Variants in GOLGA4 observed in about 807,000 individuals in gnomAD.
The protein encoded by GOLGA4 is golgin A4, also known as golgin subfamily A member 4.
Under a neutral mutation model 265.9 loss-of-function variants are expected in GOLGA4, and 169 were observed. The observed-to-expected ratio is 0.64, with a 90% CI of 0.56 to 0.72. GOLGA4 has a LOEUF of 0.72. Ranked by LOEUF, GOLGA4 falls within the 30% of genes least tolerant of loss-of-function variation. The probability of loss-of-function intolerance (pLI) is 0.00; values close to 1 mark genes in which losing one functional copy is unlikely to be tolerated. For missense variants in GOLGA4, 2,482 were observed against 2,483.4 expected, an observed-to-expected ratio of 1.00 and a Z score of 0.01; for synonymous variants, 923 against 855.8, an observed-to-expected ratio of 1.08 and a Z score of -1.37.
rs375735831 is a variant in GOLGA4 at position 37,264,454 on chromosome 3, CCTGT to C, written c.162+12973_162+12976del. 2.4e-3 allele frequency among the ~76,000 whole-genome samples: 358 copies of C among 152,174 alleles called. 4 individuals are homozygous for C. Among genetic ancestry groups the C allele is most frequent in the African/African-American group, 8.1e-3 (335 of 41,532 alleles). On this transcript the variant is annotated intron_variant, in intron 2 of 23. Coordinates refer to ENST00000361924, the MANE Select transcript of GOLGA4 (RefSeq NM_002078.5). The stretch of plus-strand genomic sequence containing the variant: ...TTTAGTGTAAAGTTAATTGCTGAAT[CCTGT>C]CTAAGAAGTACTAGTTATTACATAA...
intron 10 of GOLGA4, among the ~76,000 whole-genome samples, chr3:37,307,401 C>T (rs1452447670): frequency 1.3e-5 from 2 of 152,130 alleles, no homozygotes; most frequent in Non-Finnish European, 2.9e-5. Context: ...AAACCAAAAT[C>T]ACATGTGTAT....
chr3:37,325,675 A>C lies in GOLGA4; in HGVS notation c.3789A>C (p.Ala1263=). 6.2e-7 allele frequency: 1 copy of C among 1,613,894 alleles called. No homozygotes were observed. Among genetic ancestry groups the C allele is most frequent in the Non-Finnish European group, 8.5e-7 (1 of 1,179,764 alleles). Residue 1263 remains alanine, a synonymous_variant, in exon 14 of 24, where the codon GCA becomes GCC. Coordinates refer to ENST00000361924, the MANE Select transcript of GOLGA4 (RefSeq NM_002078.5). ...ACCGTACAACTAAAGTTAAGGAGGC[A>C]CTGTTAATTAAAACTTGCACAGTTT... ...CQHRTTKVKE[A]LLIKTCTVSE...
intron 2 of GOLGA4, among the ~76,000 whole-genome samples, chr3:37,274,721 T>G (rs2096809381): frequency 6.6e-6 from 1 of 151,552 alleles, no homozygotes; most frequent in Non-Finnish European, 1.5e-5. Flanking sequence ...GTGATAGCAG[T>G]GTTGGAGATG....
At chr3:37,332,521 A>G (rs1257718878) in intron 16 of GOLGA4, among the ~76,000 whole-genome samples, 2 of 152,028 alleles carry the variant, frequency 1.3e-5, no homozygotes, top group Non-Finnish European at 2.9e-5. Context: ...GAAAAACAAC[A>G]AAAAAAATTA....
chr3:37,248,065 A>G (rs2096724229), intron 1 of GOLGA4, among the ~76,000 whole-genome samples: 1 of 152,198 alleles, frequency 6.6e-6, no homozygotes, highest in Non-Finnish European at 1.5e-5. Flanking sequence ...TATGAGAGTG[A>G]TAGCTCATTA....
intron 2 of GOLGA4, 69 bp from the exon 3 acceptor site, chr3:37,281,889 G>C: frequency 2.0e-6 from 2 of 1,002,920 alleles, no homozygotes; most frequent in Non-Finnish European, 3.0e-6. Context: ...GATTATTGCT[G>C]GTGATGGGGT....
At chr3:37,248,827 A>C (rs1232245447) in intron 1 of GOLGA4, among the ~76,000 whole-genome samples, 3 of 152,204 alleles carry the variant, frequency 2.0e-5, no homozygotes, top group Non-Finnish European at 4.4e-5. Flanking sequence ...TCAGATTTGC[A>C]GTGAGGTATA....
chr3:37,356,153 T>TCATA (rs2097090414), intron 22 of GOLGA4, among the ~76,000 whole-genome samples: 1 of 152,164 alleles, frequency 6.6e-6, no homozygotes, highest in Non-Finnish European at 1.5e-5. Context: ...CTATTTGTTC[T>TCATA]GGTTCTAACT....
At chr3:37,351,508 C>T (rs1178133803) in intron 21 of GOLGA4, among the ~76,000 whole-genome samples, 1 of 152,164 alleles carries the variant, frequency 6.6e-6, no homozygotes, top group Non-Finnish European at 1.5e-5. Flanking sequence ...AGAAGTTCTT[C>T]ACTTTGCCCA....
At position 37,324,811 on chromosome 3, in the gene GOLGA4, G is replaced by C; in HGVS notation, c.2925G>C (p.Leu975=). The change falls in exon 14 of 24, where the codon CTG becomes CTC. Residue 975 remains leucine (L), a synonymous_variant. Transcript: ENST00000361924. ...EMQETLKKKL[L]DQEAKLKKEL... ...AAGAAACGTTAAAGAAAAAATTACT[G>C]GATCAGGAAGCCAAACTTAAGAAAG... 1 of 1,585,062 alleles carries C rather than the reference G, an allele frequency of 6.3e-7. No homozygotes were observed. The highest frequency in any genetic ancestry group is 8.5e-7 in the Non-Finnish European group (1 of 1,172,976).
rs776869669 is a variant in GOLGA4 at position 37,324,263 on chromosome 3, C to T, written c.2377C>T (p.Leu793Phe). The change falls in exon 14 of 24, where the codon CTC becomes TTC. Residue 793 changes from leucine (L) to phenylalanine (F), a missense_variant. Physicochemically the swap from Leu to Phe is conservative, Grantham distance 22 (BLOSUM62 0). Coordinates refer to ENST00000361924, the MANE Select transcript of GOLGA4 (RefSeq NM_002078.5). ...EADIKRSEGE[L>F]QQASAKLDVF... ...AGATATTAAAAGGTCTGAAGGGGAA[C>T]TCCAGCAGGCATCTGCTAAGCTGGA... 3.1e-6 allele frequency: 5 copies of T among 1,613,974 alleles called. No homozygotes were observed.
chr3:37,257,536 C>T lies in GOLGA4; in HGVS notation c.162+6052C>T, dbSNP rs115102126. On this transcript the variant is annotated intron_variant, in intron 2 of 23. Transcript: ENST00000361924. The stretch of plus-strand genomic sequence containing the variant: ...TACATCTCTAGTGTGGTACCTTGCA[C>T]GTAGTAGGTGCTAACTAAGTTATTA... Among the ~76,000 whole-genome samples the T allele has an allele frequency of 3.4e-3, 513 of 151,978 alleles. 3 individuals are homozygous for T. Among genetic ancestry groups the T allele is most frequent in the African/African-American group, 0.012 (481 of 41,422 alleles).
intron 2 of GOLGA4, among the ~76,000 whole-genome samples, chr3:37,279,592 A>G (rs1354099772): frequency 1.3e-5 from 2 of 152,038 alleles, no homozygotes; most frequent in Non-Finnish European, 2.9e-5. Flanking sequence ...TGTTATATGA[A>G]GATTTGTTGA....
intron 10 of GOLGA4, 121 bp from the exon 11 acceptor site, chr3:37,315,299 T>C: frequency 1.3e-6 from 1 of 795,030 alleles, no homozygotes; most frequent in Non-Finnish European, 2.0e-6. Flanking sequence ...CTTAGAACAG[T>C]GATGAGTTTT....
At chr3:37,285,874 C>T (rs933514562) in intron 3 of GOLGA4, 140 bp from the exon 4 acceptor site, 18 of 481,668 alleles carry the variant, frequency 3.7e-5, no homozygotes, top group East Asian at 6.4e-5. Context: ...TAGTTTTGAC[C>T]GTCATGCATC....
chr3:37,289,837 C>A (rs2096860298), intron 5 of GOLGA4, among the ~76,000 whole-genome samples: 1 of 152,124 alleles, frequency 6.6e-6, no homozygotes, highest in Non-Finnish European at 1.5e-5. Flanking sequence ...CCATCTGATA[C>A]CTTGTCGCTT....
At chr3:37,319,263 C>A in intron 12 of GOLGA4, 69 bp downstream of exon 12, 2 of 1,263,094 alleles carry the variant, frequency 1.6e-6, no homozygotes, top group Non-Finnish European at 2.2e-6. Context: ...CATCCTCTCA[C>A]TGTTGCATTC....
chr3:37,362,677 A>AAGGC (rs1696402774), intron 23 of GOLGA4, among the ~76,000 whole-genome samples: 1 of 151,386 alleles, frequency 6.6e-6, no homozygotes, highest in African/African-American at 2.4e-5. Flanking sequence ...CTGGGACTCT[A>AAGGC]AGGCACCTAT....
chr3:37,343,452 G>A (rs1038334104), intron 20 of GOLGA4, among the ~76,000 whole-genome samples: 15 of 151,826 alleles, frequency 9.9e-5, no homozygotes, highest in African/African-American at 3.1e-4. Context: ...CCTGAACTCA[G>A]GTATCTGCCC....
Sources: gnomAD v4.1 joint callset for allele counts (sites outside exome capture counted in the v4.1 genomes callset) on GRCh38, gnomAD v4.1.1 for gene constraint, MANE v1.5 for transcripts, NCBI Gene and HGNC (gene_info 2026-07-23, HGNC 2026-07-21) for gene names.